Variants in CLTA observed in about 807,000 individuals in gnomAD.
The protein encoded by CLTA is clathrin light chain A.
A neutral mutation model predicts 26.9 loss-of-function variants in CLTA; 9 were observed. The observed-to-expected ratio is 0.33, with a 90% CI of 0.20 to 0.58. The LOEUF (loss-of-function observed/expected upper bound fraction) is 0.58. Ranked by LOEUF, CLTA falls within the 20% of genes least tolerant of loss-of-function variation. The pLI, the probability that CLTA is intolerant of heterozygous loss-of-function variation, is 0.85. For synonymous variants in CLTA, 120 were observed against 115.5 expected (o/e 1.04, Z -0.25); for missense variants, 278 against 294.2 (o/e 0.94, Z 0.40).
chr9:36,206,512 T>TA (rs1253511060), intron 4 of CLTA, among the ~76,000 whole-genome samples: 2 of 152,170 alleles, frequency 1.3e-5, no homozygotes, highest in African/African-American at 4.8e-5. Flanking sequence ...CTCTAAACTT[T>TA]AGAGTTCAAA....
At chr9:36,198,702 GAAAA>G (rs546254007) in intron 2 of CLTA, among the ~76,000 whole-genome samples, 8 of 66,276 alleles carry the variant, frequency 1.2e-4, no homozygotes, top group Admixed American at 5.1e-4. Flanking sequence ...CCCCACCCCA[GAAAA>G]AAAAAAAAAA....
At position 36,212,057 on chromosome 9, in the gene CLTA, G is replaced by A. The variant is rs911095064; in HGVS notation, c.*283G>A. 2.7e-5 allele frequency: 14 copies of A among 520,238 alleles called. No individual in the cohort carries two copies. The highest frequency in any genetic ancestry group is 3.9e-5 in the Non-Finnish European group (11 of 278,662). 32.2% of individuals were successfully genotyped at this position (520,238 alleles called of 1,614,324 possible). On this transcript the variant is annotated 3_prime_UTR_variant, in exon 5 of 5. Transcript: ENST00000345519. ...TGAGAATAAATTTCTGTTTCAAACT[G>A]TATTATGTGAAGCTTCTTTATTGAC...
chr9:36,193,291 T>C (rs1254581326), intron 1 of CLTA, among the ~76,000 whole-genome samples: 2 of 152,028 alleles, frequency 1.3e-5, no homozygotes, highest in Non-Finnish European at 2.9e-5. Context: ...TTGGACACTT[T>C]TTCTCTCTTA....
At chr9:36,202,848 G>C (rs1222196245) in intron 3 of CLTA, among the ~76,000 whole-genome samples, 1 of 149,842 alleles carries the variant, frequency 6.7e-6, no homozygotes, top group Admixed American at 6.6e-5. Context: ...TTGAGACAGA[G>C]TCTCACTTTG....
intron 1 of CLTA, among the ~76,000 whole-genome samples, chr9:36,191,681 G>GA (rs1421204938): frequency 6.6e-6 from 1 of 152,112 alleles, no homozygotes; most frequent in Non-Finnish European, 1.5e-5. Context: ...AAGGAGGGCG[G>GA]AAAAAAATAA....
In CLTA at chr9:36,209,100, C is replaced by T. The variant is rs577016073; in HGVS notation, c.486-2503C>T. ...GAAGGCCAGCGGGAAACCAGGCCTG[C>T]TGAAGTCTCCAGCGCTGGAAGCCTC... On this transcript the variant is annotated intron_variant, in intron 4 of 4. Transcript: ENST00000345519. 267 of 267,674 alleles carry T rather than the reference C, an allele frequency of 1.0e-3. 1 individual carries two copies. The highest frequency in any genetic ancestry group is 5.1e-3 in the Admixed American group (78 of 15,422). 16.6% of individuals were successfully genotyped at this position (267,674 alleles called of 1,614,324 possible). A position where few individuals can be genotyped will look rare whatever the true frequency, so the allele number is the denominator to read the frequency against.
intron 3 of CLTA, among the ~76,000 whole-genome samples, chr9:36,202,448 G>A (rs2132906578): frequency 6.6e-6 from 1 of 152,270 alleles, no homozygotes; most frequent in Admixed American, 6.5e-5. Context: ...TGGGCTCTTG[G>A]TCTGCACTTT....
chr9:36,209,374 T>C (rs1381642785), intron 4 of CLTA: 3 of 1,365,952 alleles, frequency 2.2e-6, no homozygotes, highest in Non-Finnish European at 3.1e-6. Flanking sequence ...TACTTTTGTT[T>C]AGAGTTAATG....
chr9:36,191,133 C>T lies in CLTA; in HGVS notation c.77C>T (p.Ala26Val). 1.2e-6 allele frequency: 2 copies of T among 1,600,898 alleles called. No homozygotes were observed. The highest frequency in any genetic ancestry group is 8.5e-7 in the Non-Finnish European group (1 of 1,176,168). The change falls in exon 1 of 5, where the codon GCC becomes GTC. Residue 26 changes from alanine (A) to valine (V), a missense_variant. Coordinates refer to ENST00000345519, the MANE Select transcript of CLTA (RefSeq NM_001833.4). ...GCGCTGGGGAACGGAGTGGCCGGCG[C>T]CGGCGAAGAAGACCCGGCTGCGGCC... The part of the protein sequence containing the change: ...GPALGNGVAG[A>V]GEEDPAAAFL...
chr9:36,210,765 A>G, intron 4 of CLTA: 1 of 1,318,770 alleles, frequency 7.6e-7, no homozygotes, highest in Non-Finnish European at 1.1e-6. Flanking sequence ...TCCCTGTGAT[A>G]GTGCCACCCC....
intron 1 of CLTA, among the ~76,000 whole-genome samples, chr9:36,191,843 A>G (rs1470652662): frequency 1.3e-5 from 2 of 152,180 alleles, no homozygotes; most frequent in East Asian, 3.8e-4. Context: ...AGAACTGCCA[A>G]GCGCGGTAGG....
At chr9:36,194,804 T>G (rs569529573) in intron 1 of CLTA, among the ~76,000 whole-genome samples, 2 of 152,360 alleles carry the variant, frequency 1.3e-5, no homozygotes, top group African/African-American at 4.8e-5. Flanking sequence ...ACATGTCCTT[T>G]CTGCATGTTT....
intron 3 of CLTA, among the ~76,000 whole-genome samples, chr9:36,201,336 G>A (rs1827388590): frequency 6.6e-6 from 1 of 152,170 alleles, no homozygotes; most frequent in African/African-American, 2.4e-5. Context: ...ACATTCTCAA[G>A]TAATTTTCTT....
Position 36,191,251 on chromosome 9 carries a change from C to T in CLTA, c.195C>T (p.His65=), listed in dbSNP as rs1206614554. The T allele has an allele frequency of 1.3e-6, 2 of 1,530,272 alleles. No individual in the cohort carries two copies. Among genetic ancestry groups the T allele is most frequent in the East Asian group, 5.0e-5 (2 of 39,942 alleles). The allele number at this position is 1,530,272 out of a possible 1,614,324, so 94.8% of individuals were successfully genotyped here. ...LDGGAPGPQP[H]GEPPGGPDAV... ...GCGGCGCCCCCGGGCCCCAGCCGCA[C>T]GGCGAGCCGCCGGGGGGTCCGGGTG... Residue 65 remains histidine (H), a synonymous_variant, in exon 1 of 5, where the codon CAC becomes CAT. Transcript: ENST00000345519.
At chr9:36,208,324 C>T (rs1827838014) in intron 4 of CLTA, among the ~76,000 whole-genome samples, 1 of 152,176 alleles carries the variant, frequency 6.6e-6, no homozygotes, top group South Asian at 2.1e-4. Context: ...ACCCAGTCTG[C>T]CCCCTCCTTC....
At chr9:36,211,534 A>G (rs532776384) in intron 4 of CLTA, 69 bp from the exon 5 acceptor site, 6 of 1,527,054 alleles carry the variant, frequency 3.9e-6, no homozygotes, top group South Asian at 3.9e-5. Flanking sequence ...TTGCTTGTGT[A>G]GCAAGGCAGC....
chr9:36,196,239 C>T (rs909463712), intron 1 of CLTA, among the ~76,000 whole-genome samples: 2 of 151,500 alleles, frequency 1.3e-5, no homozygotes, highest in Admixed American at 6.6e-5. Flanking sequence ...GCCAAGATTG[C>T]ACCACTGTAC....
intron 4 of CLTA, among the ~76,000 whole-genome samples, chr9:36,204,846 T>C (rs1827620917): frequency 1.3e-5 from 2 of 152,242 alleles, no homozygotes; most frequent in Admixed American, 1.3e-4. Context: ...AGAGCCCTTC[T>C]TGGAAGCAGC....
chr9:36,201,688 A>T (rs1827415677), intron 3 of CLTA, among the ~76,000 whole-genome samples: 1 of 152,252 alleles, frequency 6.6e-6, no homozygotes, highest in African/African-American at 2.4e-5. Context: ...ACCATGATTG[A>T]AAAGGGGGCC....
Sources: gnomAD v4.1 joint callset for allele counts (sites outside exome capture counted in the v4.1 genomes callset) on GRCh38, gnomAD v4.1.1 for gene constraint, MANE v1.5 for transcripts, NCBI Gene and HGNC (gene_info 2026-07-23, HGNC 2026-07-21) for gene names.